The following COL6A2 variants were observed in gnomAD, a reference collection of about 807,000 sequenced individuals.
COL6A2 encodes the protein collagen type VI alpha 2 chain.
COL6A2 carries 90 observed loss-of-function variants against 124.9 expected under a neutral mutation model. That is an observed-to-expected ratio of 0.72 (90% CI 0.61 to 0.86). The LOEUF is 0.86. COL6A2 is among the 40% of genes least tolerant of loss of function. COL6A2 has a pLI of 0.00. For missense variants in COL6A2, 1,607 were observed against 1,502.5 expected (o/e 1.07, Z -1.15); for synonymous variants, 793 against 618.2 (o/e 1.28, Z -4.19).
At chr21:46,124,138 G>A (rs1458540496) in intron 21 of COL6A2, among the ~76,000 whole-genome samples, 2 of 151,382 alleles carry the variant, frequency 1.3e-5, no homozygotes, top group Non-Finnish European at 2.9e-5. Context: ...TGGATAGATG[G>A]GTAAGTGAGT....
Position 46,112,507 on chromosome 21 carries a change from A to G in COL6A2, c.644A>G (p.Asp215Gly), listed in dbSNP as rs1374081881. The change falls in exon 3 of 28, where the codon GAC (aspartate) becomes GGC (glycine). Residue 215 changes from aspartate (D) to glycine (G), a missense_variant. Coordinates refer to ENST00000300527, the MANE Select transcript of COL6A2 (RefSeq NM_001849.4). ...ASTPHELYRNDYATMLPDSTE... is the reference protein window; with the variant it reads ...ASTPHELYRNGYATMLPDSTE... ...ACGCCGCACGAGCTCTACCGCAACG[A>G]CTACGCCACCATGCTGCCCGACTCC... The G allele has an allele frequency of 6.2e-7, 1 of 1,611,880 alleles. No individual in the cohort carries two copies. Among genetic ancestry groups the G allele is most frequent in the South Asian group, 1.1e-5 (1 of 91,038 alleles).
chr21:46,129,071 C>T, intron 27 of COL6A2: 1 of 1,599,512 alleles, frequency 6.3e-7, no homozygotes, highest in Non-Finnish European at 8.5e-7. Flanking sequence ...CCTGCATTTC[C>T]TCTACCGACT....
intron 2 of COL6A2, 42 bp downstream of exon 2, chr21:46,111,633 G>A: frequency 1.3e-6 from 1 of 764,312 alleles, no homozygotes; most frequent in East Asian, 2.7e-5. Context: ...CATTTGGGGG[G>A]CAGTTGGGAC....
chr21:46,112,689 G>T, intron 3 of COL6A2, 112 bp downstream of exon 3: 2 of 1,596,194 alleles, frequency 1.3e-6, no homozygotes, highest in South Asian at 2.2e-5. Context: ...GAAGGAGGAA[G>T]CTCCGGGCAG....
intron 4 of COL6A2, 70 bp from the exon 5 acceptor site, chr21:46,113,938 T>G: frequency 1.4e-5 from 19 of 1,323,950 alleles, no homozygotes; most frequent in Non-Finnish European, 1.9e-5. Context: ...CTACACGTTC[T>G]GAGACCCTGC....
chr21:46,131,867 G>A (rs979355291), intron 27 of COL6A2, 87 bp from the exon 28 acceptor site: 74 of 1,292,064 alleles, frequency 5.7e-5, no homozygotes, highest in Non-Finnish European at 7.0e-5. Flanking sequence ...GGCAGGGTGC[G>A]AATGGAAGGG....
At chr21:46,099,889 C>CGTTTTTTT (rs1345870090) in intron 1 of COL6A2, among the ~76,000 whole-genome samples, 14 of 91,836 alleles carry the variant, frequency 1.5e-4, no homozygotes, top group Non-Finnish European at 1.7e-4. Flanking sequence ...GCAGCACTGT[C>CGTTTTTTT]TTTTTTTTTT....
At chr21:46,119,638 T>C in intron 14 of COL6A2, 150 bp from the exon 15 acceptor site, 1 of 688,754 alleles carries the variant, frequency 1.5e-6, no homozygotes, top group Non-Finnish European at 2.5e-6. Context: ...CTGAGGCTGT[T>C]GGGAAGGAGC....
intron 16 of COL6A2, 32 bp downstream of exon 16, chr21:46,120,609 TA>T: frequency 6.9e-7 from 1 of 1,444,178 alleles, no homozygotes; most frequent in African/African-American, 1.4e-5. Flanking sequence ...CACCCCAAGG[TA>T]GGGGATCTGA....
At chr21:46,123,605 ATGAATGGATGGATTGCTGGATGAGTGGG>A (rs2078602291) in intron 21 of COL6A2, among the ~76,000 whole-genome samples, 2 of 151,228 alleles carry the variant, frequency 1.3e-5, no homozygotes, top group Admixed American at 6.6e-5. Flanking sequence ...TAGAAGATGG[ATGAATGGATGGATTGCTGGATGAGTGGG>A]TGGGTGGATG....
At position 46,125,455 on chromosome 21, in the gene COL6A2, A is replaced by AC. The variant is rs149954350; in HGVS notation, c.1817-3dup. 211,435 of 1,609,932 alleles carry AC rather than the reference A, an allele frequency of 0.13. 16,150 individuals carry two copies. Among genetic ancestry groups the AC allele is most frequent in the East Asian group, 0.4 (17,971 of 44,752 alleles). On this transcript the variant is annotated splice_polypyrimidine_tract_variant and intron_variant, in intron 24 of 27. Coordinates refer to ENST00000300527, the MANE Select transcript of COL6A2 (RefSeq NM_001849.4). ...CCCGGTACCCCCCGATGACCCTGCC[A>AC]CCCCCCCAGACTGTGAGAAGCGCTG...
rs544436881 is a variant in COL6A2, at chr21:46,132,470, G to A, written c.2978G>A (p.Arg993His). ...DVLTTLSLGD[R>H]AAVFHEKDYD... is the part of the protein sequence containing the mutation. Reference sequence around the variant, plus strand: ...CTCACCACGCTCAGCCTGGGTGACCGCGCCGCCGTGTTCCACGAGAAGGAC... The same window carrying A: ...CTCACCACGCTCAGCCTGGGTGACCACGCCGCCGTGTTCCACGAGAAGGAC... Residue 993 changes from arginine to histidine, a missense_variant, in exon 28 of 28, where the codon CGC becomes CAC. By Grantham distance (29) the Arg-to-His change is conservative. Around this residue, in one of 3 missense-constraint regions of COL6A2, gnomAD observed 1,223 missense variants for 1,052.2 expected, o/e 1.16. Transcript: ENST00000300527. 4.2e-5 allele frequency: 67 copies of A among 1,606,582 alleles called. No homozygotes were observed. Among genetic ancestry groups the A allele is most frequent in the Admixed American group, 1.8e-4 (11 of 59,894 alleles).
At chr21:46,100,804 G>A (rs147752867) in intron 1 of COL6A2, among the ~76,000 whole-genome samples, 1 of 152,314 alleles carries the variant, frequency 6.6e-6, no homozygotes, top group African/African-American at 2.4e-5. Flanking sequence ...TTCGTCTGTT[G>A]CTGGACACTT....
At chr21:46,123,784 G>C (rs997410527) in intron 21 of COL6A2, among the ~76,000 whole-genome samples, 1 of 144,490 alleles carries the variant, frequency 6.9e-6, no homozygotes, top group Admixed American at 6.7e-5. Flanking sequence ...GGGTGAGTGG[G>C]TGTATGTATG....
chr21:46,106,285 A>G (rs759236812), intron 1 of COL6A2, among the ~76,000 whole-genome samples: 3 of 152,088 alleles, frequency 2.0e-5, no homozygotes, highest in Non-Finnish European at 4.4e-5. Flanking sequence ...GTCTGCTCAT[A>G]TTGCTTTTGT....
At position 46,116,947 on chromosome 21, in the gene COL6A2, A is replaced by ACACACACACC; in HGVS notation, c.999+142_999+143insCCACACACAC. ...CGCATACACACACACACACACACAC[A>ACACACACACC]CACACACACGAACTTCAGCTCCTGC... is the stretch of plus-strand genomic sequence containing the variant. On this transcript the variant is annotated intron_variant, in intron 10 of 27. Transcript: ENST00000300527. The surrounding 1 kb of genome is among the most constrained non-coding windows in gnomAD (Gnocchi z 4.6). 1.2e-6 allele frequency: 1 copy of ACACACACACC among 833,178 alleles called. No homozygotes were observed. Among genetic ancestry groups the ACACACACACC allele is most frequent in the Non-Finnish European group, 1.9e-6 (1 of 524,526 alleles). 51.6% of individuals were successfully genotyped at this position (833,178 alleles called of 1,614,324 possible). A position where few individuals can be genotyped will look rare whatever the true frequency, so the allele number is the denominator to read the frequency against.
intron 1 of COL6A2, among the ~76,000 whole-genome samples, chr21:46,105,919 T>C (rs2078331303): frequency 6.6e-6 from 1 of 152,220 alleles, no homozygotes; most frequent in African/African-American, 2.4e-5. Flanking sequence ...AAACTCTCTC[T>C]GTTAAAAGAC....
chr21:46,122,836 G>A lies in COL6A2; in HGVS notation c.1609-39G>A, dbSNP rs763247713. On this transcript the variant is annotated intron_variant, in intron 20 of 27. Coordinates refer to ENST00000300527, the MANE Select transcript of COL6A2 (RefSeq NM_001849.4). ...CTCACTGGTGTCCCTGGTAGAGACAGCTCCTCTGTCCCAGGCTAACATGTG... is the reference window on the plus strand; with the variant it reads ...CTCACTGGTGTCCCTGGTAGAGACAACTCCTCTGTCCCAGGCTAACATGTG... 7 of 1,594,564 alleles carry A rather than the reference G, an allele frequency of 4.4e-6. 1 individual carries two copies. The highest frequency in any genetic ancestry group is 3.3e-4 in the Middle Eastern group (2 of 6,024).
Position 46,111,608 on chromosome 21 carries a change from G to T in COL6A2, c.115+17G>T. On this transcript the variant is annotated intron_variant, in intron 2 of 27. Coordinates refer to ENST00000300527, the MANE Select transcript of COL6A2 (RefSeq NM_001849.4). ...ACTGCCCAGGTGCCAGGGGTCGGGG[G>T]CCGGGGGCTCTGGGCATTTGGGGGG... The T allele has an allele frequency of 6.4e-7, 1 of 1,566,714 alleles. No homozygotes were observed.
Sources: allele counts gnomAD v4.1 joint callset (sites outside exome capture counted in the v4.1 genomes callset), GRCh38; gene constraint gnomAD v4.1.1; regional missense constraint gnomAD v4.1.1; non-coding constraint Gnocchi (gnomAD v3.1); transcripts MANE v1.5; gene names NCBI Gene and HGNC (gene_info 2026-07-23, HGNC 2026-07-21).